Variants in CYTH3 observed in about 807,000 individuals in gnomAD.
The protein encoded by CYTH3 is cytohesin 3.
A neutral mutation model predicts 55.1 loss-of-function variants in CYTH3; 23 were observed. That is an observed-to-expected ratio of 0.42 (90% confidence interval 0.30 to 0.59). CYTH3 has a LOEUF of 0.59. Ranked by LOEUF, CYTH3 falls within the 20% of genes least tolerant of loss-of-function variation. The pLI, the probability that CYTH3 is intolerant of heterozygous loss-of-function variation, is 0.20. For synonymous variants in CYTH3, 249 were observed against 194.9 expected, an observed-to-expected ratio of 1.28 and a Z score of -2.31; for missense variants, 413 against 524.8, an observed-to-expected ratio of 0.79 and a Z score of 2.08.
chr7:6,268,976 A>C (rs542269893), intron 1 of CYTH3, among the ~76,000 whole-genome samples: 1 of 152,368 alleles, frequency 6.6e-6, no homozygotes, highest in Admixed American at 6.5e-5. Context: ...CTCAAAGGCT[A>C]GGACCAAGGG....
intron 1 of CYTH3, among the ~76,000 whole-genome samples, chr7:6,195,198 T>G (rs949926066): frequency 7.9e-5 from 12 of 152,138 alleles, no homozygotes; most frequent in Admixed American, 2.0e-4. Flanking sequence ...TGATCCCTAA[T>G]CAGTTAAATG....
intron 1 of CYTH3, among the ~76,000 whole-genome samples, chr7:6,244,976 T>A (rs1164394454): frequency 8.7e-5 from 11 of 127,082 alleles, no homozygotes; most frequent in East Asian, 4.9e-4. Flanking sequence ...TTTTTTTTTT[T>A]TTTTTTTTTT....
rs141552298 is a variant in CYTH3, at chr7:6,228,337, T to C, written c.35-37806A>G. Among the ~76,000 whole-genome samples, 37 of 152,324 alleles carry C rather than the reference T, an allele frequency of 2.4e-4. No individual in the cohort carries two copies. The East Asian group carries it at 5.2e-3, about 21-fold the overall frequency. ...GCTTTAAAGCTTATGCTTTTCCATG[T>C]ACATGGGACAGAACAACATATGTAA... On this transcript the variant is annotated intron_variant, in intron 1 of 12. Transcript: ENST00000350796.
chr7:6,198,283 G>A (rs988893154), intron 1 of CYTH3, among the ~76,000 whole-genome samples: 1 of 152,312 alleles, frequency 6.6e-6, no homozygotes, highest in Non-Finnish European at 1.5e-5. Context: ...AGTCTCTGCG[G>A]AGCTTCTAAG....
intron 1 of CYTH3, among the ~76,000 whole-genome samples, chr7:6,190,910 C>T (rs1459765731): frequency 1.3e-5 from 2 of 151,764 alleles, no homozygotes; most frequent in African/African-American, 4.8e-5. Flanking sequence ...AACCCCATCT[C>T]TATTAAAAAT....
At position 6,177,869 on chromosome 7, in the gene CYTH3, C is replaced by T; in HGVS notation, c.322G>A (p.Gly108Arg). 6.2e-7 allele frequency: 1 copy of T among 1,614,198 alleles called. No individual in the cohort carries two copies. The highest frequency in any genetic ancestry group is 8.5e-7 in the Non-Finnish European group (1 of 1,180,014). Residue 108 changes from glycine (G) to arginine (R), a missense_variant, in exon 5 of 13, where the codon GGA becomes AGA. Around this residue, in one of 4 missense-constraint regions of CYTH3, gnomAD observed 152 missense variants for 148.1 expected, o/e 1.03. Coordinates refer to ENST00000350796, the MANE Select transcript of CYTH3 (RefSeq NM_004227.4). Reference sequence around the variant, plus strand: ...ATGACGGTCTTATTTAGGCCTTCTCCTTTATAAAGGAACTGGGCGACGTCT... The same window carrying T: ...ATGACGGTCTTATTTAGGCCTTCTCTTTTATAAAGGAACTGGGCGACGTCT... ...PEDVAQFLYK[G>R]EGLNKTVIGD... is the part of the protein sequence containing the mutation.
At chr7:6,247,394 G>A (rs1397964753) in intron 1 of CYTH3, among the ~76,000 whole-genome samples, 3 of 152,016 alleles carry the variant, frequency 2.0e-5, no homozygotes, top group African/African-American at 7.3e-5. Context: ...AAGGCAGAAT[G>A]AGCTCTTTGA....
At chr7:6,200,932 T>A (rs149618737) in intron 1 of CYTH3, among the ~76,000 whole-genome samples, 1 of 152,198 alleles carries the variant, frequency 6.6e-6, no homozygotes, top group Non-Finnish European at 1.5e-5. Context: ...ACTTTCAAAT[T>A]GTTTTTGTAG....
At chr7:6,238,173 T>C (rs1779575631) in intron 1 of CYTH3, among the ~76,000 whole-genome samples, 1 of 152,236 alleles carries the variant, frequency 6.6e-6, no homozygotes, top group Non-Finnish European at 1.5e-5. Flanking sequence ...AATGAACTAC[T>C]ACTATTTTAA....
intron 1 of CYTH3, among the ~76,000 whole-genome samples, chr7:6,212,456 A>T (rs1784340118): frequency 6.6e-6 from 1 of 152,108 alleles, no homozygotes; most frequent in Non-Finnish European, 1.5e-5. Flanking sequence ...GGCACCCACC[A>T]TTCTACTTTG....
At chr7:6,178,402 A>G (rs1375348910) in intron 4 of CYTH3, among the ~76,000 whole-genome samples, 2 of 152,180 alleles carry the variant, frequency 1.3e-5, no homozygotes, top group African/African-American at 4.8e-5. Flanking sequence ...CTAGAGAGGG[A>G]GTTTCCTGGC....
At chr7:6,220,548 G>A (rs1329721996) in intron 1 of CYTH3, among the ~76,000 whole-genome samples, 1 of 149,036 alleles carries the variant, frequency 6.7e-6, no homozygotes, top group South Asian at 2.1e-4. Flanking sequence ...CTACAGACTG[G>A]GAGAAAGTCT....
intron 1 of CYTH3, among the ~76,000 whole-genome samples, chr7:6,227,255 T>C (rs528070871): frequency 1.1e-3 from 173 of 152,060 alleles, no homozygotes; most frequent in African/African-American, 4.1e-3. Flanking sequence ...AAAAATTATA[T>C]TCAAAGAAAA....
At chr7:6,253,632 T>C (rs192060492) in intron 1 of CYTH3, among the ~76,000 whole-genome samples, 445 of 151,818 alleles carry the variant, frequency 2.9e-3, no homozygotes, top group African/African-American at 0.01. Context: ...CCTGGCCAAT[T>C]TGATGAAACC....
chr7:6,236,364 CTTTTTT>C (rs34013002), intron 1 of CYTH3, among the ~76,000 whole-genome samples: 1 of 122,316 alleles, frequency 8.2e-6, no homozygotes, highest in Admixed American at 8.2e-5. Flanking sequence ...CTACGCCTGA[CTTTTTT>C]TTTTTTTTTT....
chr7:6,187,813 C>T lies in CYTH3; in HGVS notation c.118-92G>A, dbSNP rs1014212244. 5.1e-5 allele frequency: 52 copies of T among 1,011,356 alleles called. No individual in the cohort carries two copies. In the African/African-American group the frequency reaches 7.6e-4, roughly 15 times the overall value. 62.6% of individuals were successfully genotyped at this position (1,011,356 alleles called of 1,614,324 possible). On this transcript the variant is annotated intron_variant, in intron 2 of 12. Transcript: ENST00000350796. The stretch of plus-strand genomic sequence containing the variant: ...TTTTAGTTCTCTTGTGACAAGCTTC[C>T]CTGCGGTCTCACCGGAGCATCACAG...
intron 1 of CYTH3, among the ~76,000 whole-genome samples, chr7:6,207,492 G>A (rs562185518): frequency 6.6e-6 from 1 of 152,192 alleles, no homozygotes; most frequent in South Asian, 2.1e-4. Context: ...GAGTCAGGTG[G>A]AGTGGCACAC....
chr7:6,178,478 G>C (rs1056695842), intron 4 of CYTH3, among the ~76,000 whole-genome samples: 6 of 152,202 alleles, frequency 3.9e-5, no homozygotes, highest in African/African-American at 7.2e-5. Flanking sequence ...AGCCTGGAGG[G>C]AAAGTTTTTG....
intron 1 of CYTH3, among the ~76,000 whole-genome samples, chr7:6,267,887 C>G (rs992762629): frequency 6.6e-6 from 1 of 152,174 alleles, no homozygotes; most frequent in African/African-American, 2.4e-5. Flanking sequence ...TACCATCATA[C>G]TATTTTTCTA....
Sources: allele counts gnomAD v4.1 joint callset (sites outside exome capture counted in the v4.1 genomes callset), GRCh38; gene constraint gnomAD v4.1.1; regional missense constraint gnomAD v4.1.1; transcripts MANE v1.5; gene names NCBI Gene and HGNC (gene_info 2026-07-23, HGNC 2026-07-21).